PTPRT: variants seen among roughly 807,000 people sequenced by gnomAD.
The protein encoded by PTPRT is receptor-type tyrosine-protein phosphatase T.
In PTPRT, 56 loss-of-function variants were observed where a neutral mutation model predicts 176.8. The ratio of observed to expected loss-of-function variants is 0.32; its 90% confidence interval spans 0.26 to 0.40. The LOEUF (loss-of-function observed/expected upper bound fraction) is 0.40. Among genes scored for constraint, PTPRT ranks in the 10% least tolerant of loss-of-function variants. PTPRT has a pLI of 1.00. For missense variants in PTPRT, 1,540 were observed against 1,908.2 expected, an observed-to-expected ratio of 0.81 and a Z score of 3.60; for synonymous variants, 783 against 739.0, an observed-to-expected ratio of 1.06 and a Z score of -0.96.
intron 17 of PTPRT, among the ~76,000 whole-genome samples, chr20:42,144,447 G>T (rs1230971337): frequency 6.6e-6 from 1 of 152,118 alleles, no homozygotes; most frequent in Non-Finnish European, 1.5e-5. Flanking sequence ...AGAGCTTAGG[G>T]ATAGGGAAGA....
chr20:43,182,403 T>C (rs2015279987), intron 1 of PTPRT, among the ~76,000 whole-genome samples: 1 of 151,982 alleles, frequency 6.6e-6, no homozygotes, highest in Non-Finnish European at 1.5e-5. Flanking sequence ...TCTTTTTTTT[T>C]TTTCCGAGAC....
rs1162225733 is a variant in PTPRT at position 42,633,819 on chromosome 20, A to ATATATATATATATATATG, written c.1153+44046_1153+44047insCATATATATATATATATA. ...TATATATATATATATATATATATAT[A>ATATATATATATATATATG]ATAAAATATTAATATATTATAATAA... On this transcript the variant is annotated intron_variant, in intron 7 of 30. Transcript: ENST00000373187. Among the ~76,000 whole-genome samples, 5 of 85,584 alleles carry ATATATATATATATATATG rather than the reference A, an allele frequency of 5.8e-5. No homozygotes were observed. In the East Asian group the frequency reaches 1.4e-3, roughly 24 times the overall value. 56.1% of individuals were successfully genotyped at this position (85,584 alleles called of 152,430 possible).
chr20:42,872,311 T>C (rs944409583), intron 2 of PTPRT, among the ~76,000 whole-genome samples: 1 of 152,180 alleles, frequency 6.6e-6, no homozygotes, highest in Non-Finnish European at 1.5e-5. Flanking sequence ...TGATTAGTAG[T>C]TGTGGGGAAA....
intron 1 of PTPRT, among the ~76,000 whole-genome samples, chr20:42,994,822 A>G (rs577400964): frequency 1.4e-4 from 22 of 152,382 alleles, no homozygotes; most frequent in African/African-American, 4.8e-4. Context: ...GAAAACTTCA[A>G]TGGTGATGTC....
At chr20:42,775,159 G>A (rs1448978126) in intron 4 of PTPRT, among the ~76,000 whole-genome samples, 1 of 152,160 alleles carries the variant, frequency 6.6e-6, no homozygotes, top group African/African-American at 2.4e-5. Flanking sequence ...CACTGAATGG[G>A]CTTAACAGAA....
chr20:42,687,245 CA>C (rs1666072746), intron 6 of PTPRT: 3 of 152,168 alleles, frequency 2.0e-5, no homozygotes, highest in Non-Finnish European at 4.4e-5. Context: ...GTGTCAGGAT[CA>C]AGACAGTCTA....
chr20:42,736,450 A>G (rs1224567775), intron 6 of PTPRT, among the ~76,000 whole-genome samples: 1 of 152,260 alleles, frequency 6.6e-6, no homozygotes, highest in East Asian at 1.9e-4. Flanking sequence ...CATTTATGCA[A>G]CAAATGTCCA....
At chr20:42,546,570 C>A (rs550661015) in intron 7 of PTPRT, among the ~76,000 whole-genome samples, 1 of 152,246 alleles carries the variant, frequency 6.6e-6, no homozygotes, top group South Asian at 2.1e-4. Flanking sequence ...ACTTAACTAA[C>A]TGCTTTGTGT....
intron 1 of PTPRT, among the ~76,000 whole-genome samples, chr20:43,010,823 A>G (rs1985080128): frequency 6.6e-6 from 1 of 152,096 alleles, no homozygotes; most frequent in Non-Finnish European, 1.5e-5. Context: ...AGGACAGTGT[A>G]TTATTACCCT....
chr20:42,845,394 A>T (rs908877890), intron 2 of PTPRT, among the ~76,000 whole-genome samples: 5 of 152,174 alleles, frequency 3.3e-5, no homozygotes, highest in Non-Finnish European at 5.9e-5. Context: ...GATTTTATAT[A>T]AACCTGTTTC....
At chr20:42,588,526 C>T (rs1433237371) in intron 7 of PTPRT, among the ~76,000 whole-genome samples, 1 of 151,822 alleles carries the variant, frequency 6.6e-6, no homozygotes, top group Non-Finnish European at 1.5e-5. Flanking sequence ...AAGGAACACA[C>T]CATATTTCAA....
chr20:42,370,663 A>G (rs1431442105), intron 9 of PTPRT, among the ~76,000 whole-genome samples: 1 of 152,240 alleles, frequency 6.6e-6, no homozygotes, highest in Non-Finnish European at 1.5e-5. Context: ...AACTGAGATA[A>G]TACTTGTAAA....
chr20:42,248,228 G>T (rs1224433353), intron 14 of PTPRT, among the ~76,000 whole-genome samples: 1 of 152,138 alleles, frequency 6.6e-6, no homozygotes, highest in African/African-American at 2.4e-5. Flanking sequence ...TCATGGAGAG[G>T]GCAGCCTGGG....
chr20:42,456,837 T>G (rs1601060583), intron 8 of PTPRT, among the ~76,000 whole-genome samples: 1 of 152,160 alleles, frequency 6.6e-6, no homozygotes, highest in African/African-American at 2.4e-5. Flanking sequence ...GGGAAGTGCT[T>G]CTTCTTTTTC....
At chr20:42,607,953 A>G (rs553037939) in intron 7 of PTPRT, among the ~76,000 whole-genome samples, 12 of 152,182 alleles carry the variant, frequency 7.9e-5, no homozygotes, top group Non-Finnish European at 1.6e-4. Context: ...GTGGACCAGA[A>G]GCAATGACAC....
At chr20:43,058,778 T>C (rs950570136) in intron 1 of PTPRT, among the ~76,000 whole-genome samples, 1 of 152,168 alleles carries the variant, frequency 6.6e-6, no homozygotes, top group Non-Finnish European at 1.5e-5. Flanking sequence ...CAACATAATA[T>C]AATGTGAAAT....
At chr20:42,991,929 C>A (rs1362348244) in intron 1 of PTPRT, among the ~76,000 whole-genome samples, 2 of 152,128 alleles carry the variant, frequency 1.3e-5, no homozygotes, top group Non-Finnish European at 2.9e-5. Flanking sequence ...GCAGGTTAAA[C>A]AGTCTTCCAA....
chr20:42,335,652 T>A (rs2058029636), intron 11 of PTPRT, among the ~76,000 whole-genome samples: 1 of 152,184 alleles, frequency 6.6e-6, no homozygotes, highest in African/African-American at 2.4e-5. Flanking sequence ...AGAATTTTTT[T>A]GAGGGAGTTG....
intron 1 of PTPRT, among the ~76,000 whole-genome samples, chr20:43,051,423 G>A (rs1600675578): frequency 6.6e-6 from 1 of 152,192 alleles, no homozygotes. Flanking sequence ...AGGCAGATGT[G>A]AATCTGTAAT....
Sources: allele counts gnomAD v4.1 joint callset (sites outside exome capture counted in the v4.1 genomes callset), GRCh38; gene constraint gnomAD v4.1.1; transcripts MANE v1.5; gene names NCBI Gene and HGNC (gene_info 2026-07-23, HGNC 2026-07-21).